Variants in NAA16 observed in about 807,000 individuals in gnomAD.
The protein encoded by NAA16 is NARG1-like protein.
In NAA16, 97 loss-of-function variants were observed where a neutral mutation model predicts 110.3. That is an observed-to-expected ratio of 0.88 (90% CI 0.75 to 1.04). NAA16 has a LOEUF of 1.04. Among genes scored for constraint, NAA16 ranks in the 50% least tolerant of loss-of-function variants. The pLI is 0.00. For missense variants in NAA16, 1,017 were observed against 1,005.1 expected (o/e 1.01, Z -0.16); for synonymous variants, 372 against 330.6 (o/e 1.13, Z -1.36).
At chr13:41,331,750 A>G (rs998926292) in intron 8 of NAA16, among the ~76,000 whole-genome samples, 3 of 152,070 alleles carry the variant, frequency 2.0e-5, no homozygotes, top group Admixed American at 2.0e-4. Context: ...GACTGTAGTT[A>G]ACAACAATAT....
At chr13:41,368,308 G>A (rs1320316435) in intron 14 of NAA16, among the ~76,000 whole-genome samples, 1 of 152,072 alleles carries the variant, frequency 6.6e-6, no homozygotes, top group East Asian at 1.9e-4. Context: ...ATATTCCTAG[G>A]TAGCTGTTCA....
At chr13:41,311,872 G>T (rs2041597762) in intron 1 of NAA16, among the ~76,000 whole-genome samples, 1 of 152,242 alleles carries the variant, frequency 6.6e-6, no homozygotes, top group South Asian at 2.1e-4. Context: ...GGGCACAGCC[G>T]CCTCGGCCGG....
chr13:41,367,580 G>C lies in NAA16; in HGVS notation c.1681G>C (p.Ala561Pro). The C allele has an allele frequency of 1.2e-6, 2 of 1,613,196 alleles. No individual in the cohort carries two copies. The change falls in exon 14 of 20, where the codon GCG (alanine) becomes CCG (proline). Residue 561 changes from alanine (A) to proline (P), a missense_variant. By Grantham distance (27) the Ala-to-Pro change is conservative. Coordinates refer to ENST00000379406, the MANE Select transcript of NAA16 (RefSeq NM_024561.5). ...HAFYFKAARS[A>P]IEIYLKLYDN... ...CTTTTATTTCAAGGCTGCTAGATCA[G>C]CGATTGAAATATACTTGAAATTGTA...
At position 41,372,328 on chromosome 13, in the gene NAA16, G is replaced by A; in HGVS notation, c.2056+17G>A. On this transcript the variant is annotated intron_variant, in intron 16 of 19. Transcript: ENST00000379406. ...TTAGAAAAGGTAATAAATAGTTTGAGTTCAGTTTTTAATCTTTAATTATAT... is the reference window on the plus strand; with the variant it reads ...TTAGAAAAGGTAATAAATAGTTTGAATTCAGTTTTTAATCTTTAATTATAT... The A allele has an allele frequency of 6.4e-7, 1 of 1,556,148 alleles. No individual in the cohort carries two copies. The highest frequency in any genetic ancestry group is 8.7e-7 in the Non-Finnish European group (1 of 1,155,094).
intron 2 of NAA16, among the ~76,000 whole-genome samples, chr13:41,318,191 A>G (rs2041855931): frequency 1.3e-5 from 2 of 151,130 alleles, no homozygotes; most frequent in South Asian, 2.1e-4. Context: ...ATTAAGACTC[A>G]TGTCTGCTTT....
chr13:41,337,263 G>A (rs1456208089), intron 9 of NAA16, among the ~76,000 whole-genome samples: 1 of 152,120 alleles, frequency 6.6e-6, no homozygotes, highest in Non-Finnish European at 1.5e-5. Flanking sequence ...TAGAAAATAG[G>A]CCAGGTGTGG....
At chr13:41,339,131 T>TGTTG (rs2042461756) in intron 9 of NAA16, among the ~76,000 whole-genome samples, 2 of 151,248 alleles carry the variant, frequency 1.3e-5, no homozygotes, top group Admixed American at 1.3e-4. Flanking sequence ...TTGTTGTTGT[T>TGTTG]GTTTGTTTGT....
At chr13:41,337,241 G>A (rs898137976) in intron 9 of NAA16, among the ~76,000 whole-genome samples, 1 of 152,032 alleles carries the variant, frequency 6.6e-6, no homozygotes, top group Admixed American at 6.6e-5. Context: ...TTGTCTTTCT[G>A]CTTTTTAAAA....
In NAA16 at chr13:41,311,589, G is replaced by A. The variant is rs1447243159; in HGVS notation, c.54+7G>A. 1 of 1,603,794 alleles carries A rather than the reference G, an allele frequency of 6.2e-7. No homozygotes were observed. Among genetic ancestry groups the A allele is most frequent in the South Asian group, 1.1e-5 (1 of 89,548 alleles). ...CCTCTTCAAACGCATCTTGGTGAGT[G>A]GCCGTAGGCCGCGCTGCCGCCCCCC... On this transcript the variant is annotated splice_region_variant and intron_variant, in intron 1 of 19. Coordinates refer to ENST00000379406, the MANE Select transcript of NAA16 (RefSeq NM_024561.5).
chr13:41,350,963 C>T (rs1024319296), intron 9 of NAA16, among the ~76,000 whole-genome samples: 5 of 152,088 alleles, frequency 3.3e-5, no homozygotes, highest in Non-Finnish European at 5.9e-5. Flanking sequence ...AAGAGGTGTA[C>T]ATTGATTTGG....
chr13:41,320,436 T>C (rs1000860058), intron 3 of NAA16, among the ~76,000 whole-genome samples: 6 of 152,166 alleles, frequency 3.9e-5, no homozygotes, highest in East Asian at 3.9e-4. Flanking sequence ...AACAGAATAA[T>C]GACCCCTTTC....
chr13:41,344,691 C>T (rs371323892), intron 9 of NAA16, among the ~76,000 whole-genome samples: 60 of 152,284 alleles, frequency 3.9e-4, no homozygotes, highest in African/African-American at 1.3e-3. Context: ...CCTCTACCAT[C>T]GAGATGTCAG....
rs575201003 is a variant in NAA16 at position 41,330,284 on chromosome 13, GCGTCT to G, written c.812-989_812-985del. The stretch of plus-strand genomic sequence containing the variant: ...AAAACATATTACTGGGGGAAGGAAT[GCGTCT>G]AAACGAGATCACACCTCTTCAAATG... On this transcript the variant is annotated intron_variant, in intron 7 of 19. Transcript: ENST00000379406. Among the ~76,000 whole-genome samples, 268 of 151,940 alleles carry G rather than the reference GCGTCT, an allele frequency of 1.8e-3. 1 individual carries two copies. Among genetic ancestry groups the G allele is most frequent in the African/African-American group, 6.0e-3 (248 of 41,474 alleles).
At chr13:41,315,029 C>T (rs745398485) in intron 1 of NAA16, among the ~76,000 whole-genome samples, 6 of 151,918 alleles carry the variant, frequency 3.9e-5, no homozygotes, top group Non-Finnish European at 8.8e-5. Context: ...GATCATTGTT[C>T]TAAGGATCCA....
chr13:41,371,230 A>G (rs1201354103), intron 15 of NAA16, among the ~76,000 whole-genome samples: 1 of 152,210 alleles, frequency 6.6e-6, no homozygotes, highest in African/African-American at 2.4e-5. Flanking sequence ...AGTGCCAGAA[A>G]ACAGATGGAC....
intron 17 of NAA16, chr13:41,373,307 G>C: frequency 1.8e-6 from 1 of 555,542 alleles, no homozygotes; most frequent in East Asian, 1.5e-4. Context: ...GTCTAGGCTG[G>C]AGTGCAGTAG....
intron 9 of NAA16, 128 bp from the exon 10 acceptor site, chr13:41,355,016 C>A: frequency 1.8e-6 from 1 of 560,480 alleles, no homozygotes; most frequent in South Asian, 2.1e-5. Flanking sequence ...AAGCAGATAC[C>A]CTAGTCTTTT....
At chr13:41,367,914 A>G (rs2043238821) in intron 14 of NAA16, among the ~76,000 whole-genome samples, 1 of 152,176 alleles carries the variant, frequency 6.6e-6, no homozygotes, top group African/African-American at 2.4e-5. Flanking sequence ...GACCAATTTA[A>G]GAACTGGGTA....
intron 10 of NAA16, among the ~76,000 whole-genome samples, 180 bp downstream of exon 10, chr13:41,355,396 A>G (rs1182531881): frequency 1.3e-5 from 2 of 152,124 alleles, no homozygotes; most frequent in Non-Finnish European, 2.9e-5. Flanking sequence ...CCATAATCCT[A>G]TGAGATGGGA....
Sources: allele counts gnomAD v4.1 joint callset (sites outside exome capture counted in the v4.1 genomes callset), GRCh38; gene constraint gnomAD v4.1.1; transcripts MANE v1.5; gene names NCBI Gene and HGNC (gene_info 2026-07-23, HGNC 2026-07-21).